C2orf80: variants seen among roughly 807,000 people sequenced by gnomAD.
The protein encoded by C2orf80 is uncharacterized protein C2orf80.
In C2orf80, 28 loss-of-function variants were observed where a neutral mutation model predicts 30.2. That is an observed-to-expected ratio of 0.93 (90% CI 0.69 to 1.27). The LOEUF (loss-of-function observed/expected upper bound fraction) is 1.27, where lower values mean the gene tolerates loss of function less well. C2orf80 is among the 50% of genes most tolerant of loss of function. The pLI, the probability that C2orf80 is intolerant of heterozygous loss-of-function variation, is 0.00. For missense variants in C2orf80, 220 were observed against 231.0 expected, an observed-to-expected ratio of 0.95 and a Z score of 0.31; for synonymous variants, 80 against 76.4, an observed-to-expected ratio of 1.05 and a Z score of -0.24.
chr2:208,169,107 A>G (rs977842378), intron 8 of C2orf80, among the ~76,000 whole-genome samples: 6 of 152,164 alleles, frequency 3.9e-5, no homozygotes, highest in Admixed American at 6.5e-5. Flanking sequence ...AAGAAAATAT[A>G]TATGGAACAA....
chr2:208,166,250 T>C (rs1402118685), intron 8 of C2orf80, among the ~76,000 whole-genome samples: 1 of 152,108 alleles, frequency 6.6e-6, no homozygotes, highest in Non-Finnish European at 1.5e-5. Context: ...ATACATAACT[T>C]CTAATGGCTC....
At chr2:208,177,077 A>G (rs1468517454) in intron 6 of C2orf80, among the ~76,000 whole-genome samples, 1 of 144,064 alleles carries the variant, frequency 6.9e-6, no homozygotes. Context: ...ATACGTATAT[A>G]GATAATGTAT....
At chr2:208,173,786 T>C (rs916650060) in intron 6 of C2orf80, among the ~76,000 whole-genome samples, 2 of 152,178 alleles carry the variant, frequency 1.3e-5, no homozygotes, top group Non-Finnish European at 2.9e-5. Context: ...AGGAAGGGTA[T>C]GAGACAGGAG....
chr2:208,173,391 A>G (rs1360293474), intron 6 of C2orf80, among the ~76,000 whole-genome samples: 3 of 152,138 alleles, frequency 2.0e-5, no homozygotes, highest in Admixed American at 6.5e-5. Flanking sequence ...TTGGGAGGCC[A>G]AGGCGGGCAG....
intron 8 of C2orf80, among the ~76,000 whole-genome samples, chr2:208,169,219 T>C (rs1696010948): frequency 1.3e-5 from 1 of 77,002 alleles, no homozygotes; most frequent in African/African-American, 4.6e-5. Context: ...TATAAACCCC[T>C]GTTTCAGAGA....
intron 2 of C2orf80, 28 bp downstream of exon 2, chr2:208,186,918 A>G: frequency 6.2e-7 from 1 of 1,602,412 alleles, no homozygotes; most frequent in Non-Finnish European, 8.6e-7. Flanking sequence ...AAGTGTCATA[A>G]ATGAAAGTTA....
chr2:208,168,884 C>T lies in C2orf80; in HGVS notation c.573+2061G>A, dbSNP rs1574354526. On this transcript the variant is annotated intron_variant, in intron 8 of 8. Coordinates refer to ENST00000341287, the MANE Select transcript of C2orf80 (RefSeq NM_001099334.3). ...ATCAGCCTATAGAAAGGTCTGGTCC[C>T]CAGAACTGAGCCTTTGATCACTATA... Among the ~76,000 whole-genome samples the T allele has an allele frequency of 2.6e-5, 4 of 151,332 alleles. No individual in the cohort carries two copies. The Middle Eastern group carries it at 0.014, about 515-fold the overall frequency.
chr2:208,187,964 C>G (rs1435961378), intron 1 of C2orf80, among the ~76,000 whole-genome samples: 1 of 152,118 alleles, frequency 6.6e-6, no homozygotes, highest in Admixed American at 6.5e-5. Flanking sequence ...CAACTCTTCC[C>G]TGAGTCTGCT....
At chr2:208,175,372 T>C (rs534046484) in intron 6 of C2orf80, among the ~76,000 whole-genome samples, 59 of 152,316 alleles carry the variant, frequency 3.9e-4, no homozygotes, top group African/African-American at 1.3e-3. Context: ...AGGTCTTTAG[T>C]TGAATTTTTT....
intron 4 of C2orf80, 26 bp downstream of exon 4, chr2:208,182,938 GA>G: frequency 6.4e-7 from 1 of 1,562,904 alleles, no homozygotes; most frequent in East Asian, 2.2e-5. Context: ...AATTAAAGAG[GA>G]AAGCAACAAA....
intron 6 of C2orf80, among the ~76,000 whole-genome samples, chr2:208,179,552 C>T (rs1348276313): frequency 6.6e-6 from 1 of 152,234 alleles, no homozygotes; most frequent in Non-Finnish European, 1.5e-5. Context: ...ACCTCACCTT[C>T]CCTTTCCTCT....
intron 2 of C2orf80, 55 bp from the exon 3 acceptor site, chr2:208,185,087 A>T: frequency 7.3e-7 from 1 of 1,364,858 alleles, no homozygotes; most frequent in Non-Finnish European, 1.0e-6. Flanking sequence ...CTCAGTCTGC[A>T]GAAAAAGGCT....
intron 5 of C2orf80, 75 bp from the exon 6 acceptor site, chr2:208,180,891 T>C (rs2105908609): frequency 1.6e-6 from 2 of 1,249,036 alleles, no homozygotes; most frequent in Admixed American, 3.7e-5. Context: ...AAAGCTAATA[T>C]AGCTCCAGTA....
intron 6 of C2orf80, among the ~76,000 whole-genome samples, chr2:208,173,012 G>A (rs1203810716): frequency 3.3e-5 from 5 of 151,604 alleles, no homozygotes; most frequent in African/African-American, 4.8e-5. Flanking sequence ...CCAGCTACTC[G>A]GGAGGCTGAG....
chr2:208,177,663 T>G (rs1411897212), intron 6 of C2orf80, among the ~76,000 whole-genome samples: 2 of 152,144 alleles, frequency 1.3e-5, no homozygotes, highest in Non-Finnish European at 2.9e-5. Context: ...TGTCACTGAT[T>G]GTGAGAATGG....
intron 1 of C2orf80, among the ~76,000 whole-genome samples, chr2:208,188,595 G>A (rs866738354): frequency 2.0e-5 from 3 of 152,052 alleles, no homozygotes; most frequent in African/African-American, 4.8e-5. Flanking sequence ...ACAGGTGCAC[G>A]CCACCAAGCC....
chr2:208,179,369 A>T, intron 6 of C2orf80, among the ~76,000 whole-genome samples: 1 of 152,236 alleles, frequency 6.6e-6, no homozygotes, highest in East Asian at 1.9e-4. Context: ...TTGCACAATG[A>T]CCTGCAGTAA....
intron 6 of C2orf80, among the ~76,000 whole-genome samples, chr2:208,174,106 C>T (rs545656150): frequency 9.1e-4 from 139 of 152,172 alleles, no homozygotes; most frequent in African/African-American, 2.6e-3. Context: ...ACACACAACA[C>T]CATGCCTGGC....
At chr2:208,188,996 C>T (rs1218817473) in intron 1 of C2orf80, among the ~76,000 whole-genome samples, 10 of 152,118 alleles carry the variant, frequency 6.6e-5, no homozygotes, top group Admixed American at 2.6e-4. Context: ...TGTGGCTGTG[C>T]GTCTTCTGCT....
Sources: gnomAD v4.1 joint callset for allele counts (sites outside exome capture counted in the v4.1 genomes callset) on GRCh38, gnomAD v4.1.1 for gene constraint, MANE v1.5 for transcripts, NCBI Gene and HGNC (gene_info 2026-07-23, HGNC 2026-07-21) for gene names.